The following DCLK1 variants were observed in gnomAD, a reference collection of about 807,000 sequenced individuals.
The protein encoded by DCLK1 is serine/threonine-protein kinase DCLK1.
DCLK1 carries 16 observed loss-of-function variants against 86.2 expected under a neutral mutation model. The observed-to-expected ratio is 0.19, with a 90% CI of 0.13 to 0.28. The LOEUF (loss-of-function observed/expected upper bound fraction) is 0.28, where lower values mean the gene tolerates loss of function less well. Among genes scored for constraint, DCLK1 ranks in the 10% least tolerant of loss-of-function variants. The pLI, the probability that DCLK1 is intolerant of heterozygous loss-of-function variation, is 1.00. For synonymous variants in DCLK1, 369 were observed against 370.5 expected, an observed-to-expected ratio of 1.00 and a Z score of 0.05; for missense variants, 590 against 940.2, an observed-to-expected ratio of 0.63 and a Z score of 4.87.
At chr13:35,929,863 CTT>C (rs375433797) in intron 4 of DCLK1, among the ~76,000 whole-genome samples, 6 of 142,112 alleles carry the variant, frequency 4.2e-5, no homozygotes, top group Admixed American at 7.0e-5. Flanking sequence ...CATTTTTTTT[CTT>C]TTTTTTTTTT....
intron 16 of DCLK1, among the ~76,000 whole-genome samples, chr13:35,791,403 G>A (rs1049018086): frequency 1.3e-5 from 2 of 151,964 alleles, no homozygotes; most frequent in Non-Finnish European, 2.9e-5. Context: ...CATGGAAACC[G>A]TGTTAGTGAT....
rs1273692256 is a variant in DCLK1 at position 35,772,663 on chromosome 13, C to T, written c.*1872G>A. On this transcript the variant is annotated 3_prime_UTR_variant, in exon 17 of 17. Coordinates refer to ENST00000360631, the MANE Select transcript of DCLK1 (RefSeq NM_001330071.2). ...TTGCGTGTTATCACTTCCGGATGCT[C>T]TAAAAGGGGGGGAAAAAAACCTCAA... 7.0e-6 allele frequency: 1 copy of T among 142,678 alleles called. No individual in the cohort carries two copies. The highest frequency in any genetic ancestry group is 1.5e-5 in the Non-Finnish European group (1 of 66,290). The allele number at this position is 142,678 out of a possible 1,614,324, so 8.8% of individuals were successfully genotyped here. A position where few individuals can be genotyped will look rare whatever the true frequency, so the allele number is the denominator to read the frequency against.
At chr13:35,827,821 A>G in intron 9 of DCLK1, 67 bp from the exon 10 acceptor site, 2 of 1,579,246 alleles carry the variant, frequency 1.3e-6, no homozygotes, top group South Asian at 2.2e-5. Context: ...TCAAATGAGT[A>G]CAACTATACT....
rs1370326616 is a variant in DCLK1 at position 35,914,332 on chromosome 13, A to ATATATATATATATACATAT, written c.823+33025_823+33026insATATGTATATATATATATA. The stretch of plus-strand genomic sequence containing the variant: ...GAGACCTTATCTCAGAAAAAAAAAA[A>ATATATATATATATACATAT]ATATATATATATATATACATATATA... On this transcript the variant is annotated intron_variant, in intron 4 of 16. Transcript: ENST00000360631. 3.1e-3 allele frequency among the ~76,000 whole-genome samples: 232 copies of ATATATATATATATACATAT among 73,936 alleles called. 2 individuals are homozygous for ATATATATATATATACATAT. The highest frequency in any genetic ancestry group is 6.4e-3 in the South Asian group (12 of 1,872). 48.5% of individuals were successfully genotyped at this position (73,936 alleles called of 152,430 possible).
At chr13:35,876,334 G>T (rs1203552106) in intron 4 of DCLK1, among the ~76,000 whole-genome samples, 1 of 152,026 alleles carries the variant, frequency 6.6e-6, no homozygotes, top group Non-Finnish European at 1.5e-5. Context: ...CAAAGGCTTG[G>T]GTTGAATAAC....
chr13:35,883,456 CA>C (rs2153117058), intron 4 of DCLK1, among the ~76,000 whole-genome samples: 1 of 152,318 alleles, frequency 6.6e-6, no homozygotes, highest in East Asian at 1.9e-4. Context: ...CTTCCCCTTC[CA>C]CCATGAGTGG....
chr13:35,922,085 T>G (rs1015440946), intron 4 of DCLK1, among the ~76,000 whole-genome samples: 2 of 152,138 alleles, frequency 1.3e-5, no homozygotes, highest in Non-Finnish European at 2.9e-5. Flanking sequence ...TTGAAACATA[T>G]AGGTAGGGCG....
chr13:36,124,639 C>A (rs1181805230), intron 2 of DCLK1, among the ~76,000 whole-genome samples: 3 of 152,198 alleles, frequency 2.0e-5, no homozygotes, highest in Non-Finnish European at 2.9e-5. Flanking sequence ...GTGCTTCCTG[C>A]TACCTGCACA....
At chr13:36,129,310 G>T (rs549216080) in intron 1 of DCLK1, among the ~76,000 whole-genome samples, 9 of 152,270 alleles carry the variant, frequency 5.9e-5, no homozygotes, top group Non-Finnish European at 1.3e-4. Flanking sequence ...AAGAAGAAAA[G>T]AACAATTTAA....
At chr13:36,086,045 T>C (rs561968038) in intron 3 of DCLK1, among the ~76,000 whole-genome samples, 12 of 152,376 alleles carry the variant, frequency 7.9e-5, no homozygotes, top group African/African-American at 2.9e-4. Flanking sequence ...TAGACACTTT[T>C]AATAAAAATT....
intron 3 of DCLK1, among the ~76,000 whole-genome samples, chr13:35,950,090 C>G (rs1011365887): frequency 2.0e-5 from 3 of 152,206 alleles, no homozygotes; most frequent in Non-Finnish European, 4.4e-5. Context: ...TGTTCGAAAT[C>G]ATGTAACCAC....
intron 13 of DCLK1, 157 bp from the exon 14 acceptor site, chr13:35,808,477 TG>T (rs1429031820): frequency 1.4e-6 from 1 of 721,356 alleles, no homozygotes; most frequent in African/African-American, 1.8e-5. Context: ...GGATCTGTTT[TG>T]GTAAATTAAG....
intron 3 of DCLK1, among the ~76,000 whole-genome samples, chr13:36,088,417 C>T (rs1301212524): frequency 6.6e-6 from 1 of 152,206 alleles, no homozygotes; most frequent in Non-Finnish European, 1.5e-5. Flanking sequence ...ATGTAGGGTC[C>T]AGTCTTAAGG....
Position 36,126,119 on chromosome 13 carries a change from T to G in DCLK1, c.19A>C (p.Met7Leu). Residue 7 changes from methionine (M) to leucine (L), a missense_variant, in exon 2 of 17, where the codon ATG (methionine) becomes CTG (leucine). By Grantham distance (15) the Met-to-Leu change is conservative (BLOSUM62 2). Around this residue, in one of 6 missense-constraint regions of DCLK1, gnomAD observed 50 missense variants for 47.8 expected, o/e 1.05. Coordinates refer to ENST00000360631, the MANE Select transcript of DCLK1 (RefSeq NM_001330071.2). ...CGCTCGTCGAAGTGCTCCAGCTCCA[T>G]GTCTCTGCCGAAGGACATGATGGAC... MSFGRD[M>L]ELEHFDERDK... is the part of the protein sequence containing the mutation. The G allele has an allele frequency of 1.9e-6, 3 of 1,597,450 alleles. No individual in the cohort carries two copies. Among genetic ancestry groups the G allele is most frequent in the Non-Finnish European group, 2.6e-6 (3 of 1,172,052 alleles).
intron 3 of DCLK1, among the ~76,000 whole-genome samples, chr13:35,970,275 T>G (rs1879002709): frequency 6.6e-6 from 1 of 152,236 alleles, no homozygotes; most frequent in South Asian, 2.1e-4. Flanking sequence ...GAAGTGCCAC[T>G]TCCCCACATT....
intron 12 of DCLK1, among the ~76,000 whole-genome samples, chr13:35,809,483 G>A (rs2087097353): frequency 6.6e-6 from 1 of 152,120 alleles, no homozygotes. Flanking sequence ...AATTTATAGA[G>A]CACTGACATA....
intron 6 of DCLK1, chr13:35,845,962 A>T: frequency 1.0e-6 from 1 of 985,350 alleles, no homozygotes; most frequent in Non-Finnish European, 1.2e-6. Context: ...AGTTAACTTC[A>T]AGAGGAATAA....
At chr13:35,876,463 A>G (rs1031015901) in intron 4 of DCLK1, among the ~76,000 whole-genome samples, 2 of 152,188 alleles carry the variant, frequency 1.3e-5, no homozygotes, top group African/African-American at 2.4e-5. Context: ...CAAAAACAAA[A>G]ACTCCAACCA....
At chr13:35,966,234 C>T (rs138058096) in intron 3 of DCLK1, among the ~76,000 whole-genome samples, 2 of 152,192 alleles carry the variant, frequency 1.3e-5, no homozygotes, top group Non-Finnish European at 2.9e-5. Flanking sequence ...GCTGATTTCT[C>T]ACAAAAAATT....
Sources: allele counts gnomAD v4.1 joint callset (sites outside exome capture counted in the v4.1 genomes callset), GRCh38; gene constraint gnomAD v4.1.1; regional missense constraint gnomAD v4.1.1; transcripts MANE v1.5; gene names NCBI Gene and HGNC (gene_info 2026-07-23, HGNC 2026-07-21).